P2RY14: variants seen among roughly 807,000 people sequenced by gnomAD.
The protein encoded by P2RY14 is purinergic receptor P2Y14, also known as P2Y purinoceptor 14.
In P2RY14, 2 loss-of-function variants were observed where a neutral mutation model predicts 0.9. The observed-to-expected ratio is 2.16, with a 90% CI of 0.88 to 6.79. The LOEUF is 6.79. Ranked by LOEUF, P2RY14 falls within the 30% of genes most tolerant of loss-of-function variation. P2RY14 has a pLI of 0.05. For missense variants in P2RY14, 378 were observed against 400.1 expected (o/e 0.94, Z 0.47); for synonymous variants, 158 against 147.2 (o/e 1.07, Z -0.53).
intron 1 of P2RY14, among the ~76,000 whole-genome samples, chr3:151,229,838 C>T (rs933513606): frequency 5.9e-5 from 9 of 152,168 alleles, no homozygotes; most frequent in Non-Finnish European, 1.0e-4. Flanking sequence ...GTATTAGTTG[C>T]AAACTTAGTA....
intron 1 of P2RY14, among the ~76,000 whole-genome samples, chr3:151,258,350 G>A (rs1251584188): frequency 6.6e-6 from 1 of 152,050 alleles, no homozygotes; most frequent in Admixed American, 6.6e-5. Context: ...ATAATTTTTA[G>A]TACTTTCTAA....
intron 1 of P2RY14, among the ~76,000 whole-genome samples, chr3:151,243,522 C>T (rs1352999328): frequency 6.6e-6 from 1 of 152,130 alleles, no homozygotes; most frequent in East Asian, 1.9e-4. Context: ...AACTAAGCTT[C>T]ATAAGCGAAG....
intron 1 of P2RY14, among the ~76,000 whole-genome samples, chr3:151,236,265 A>G (rs937471680): frequency 4.6e-5 from 7 of 152,228 alleles, no homozygotes; most frequent in African/African-American, 1.7e-4. Context: ...GAGTTTGTTC[A>G]GCACTTCTAG....
intron 2 of P2RY14, among the ~76,000 whole-genome samples, chr3:151,219,119 T>C (rs1474487464): frequency 1.3e-5 from 2 of 152,174 alleles, no homozygotes; most frequent in Admixed American, 1.3e-4. Flanking sequence ...GAGCATTGTG[T>C]AGAAAGAATG....
intron 1 of P2RY14, among the ~76,000 whole-genome samples, chr3:151,273,358 G>C (rs1189053383): frequency 6.7e-6 from 1 of 149,300 alleles, no homozygotes; most frequent in Non-Finnish European, 1.5e-5. Flanking sequence ...CTCCTGAGTA[G>C]CTGGGATTAC....
chr3:151,230,633 A>G (rs1731483077), intron 1 of P2RY14, among the ~76,000 whole-genome samples: 1 of 139,970 alleles, frequency 7.1e-6, no homozygotes, highest in South Asian at 2.2e-4. Context: ...TCTATGTGTT[A>G]TTGCTTTTCT....
chr3:151,224,359 A>G (rs1730050579), intron 1 of P2RY14, among the ~76,000 whole-genome samples: 1 of 152,090 alleles, frequency 6.6e-6, no homozygotes, highest in South Asian at 2.1e-4. Flanking sequence ...AGAAAATAGT[A>G]TAGATGTATG....
chr3:151,262,282 T>C (rs539685239), intron 1 of P2RY14, among the ~76,000 whole-genome samples: 4 of 152,336 alleles, frequency 2.6e-5, no homozygotes, highest in African/African-American at 9.6e-5. Context: ...ACACTAGTGA[T>C]AGTTTGGATT....
At chr3:151,246,214 C>T (rs1307539208) in intron 1 of P2RY14, among the ~76,000 whole-genome samples, 5 of 152,140 alleles carry the variant, frequency 3.3e-5, no homozygotes. Context: ...TTTATAGATT[C>T]AATGCCATCC....
At chr3:151,253,465 C>G (rs961990278) in intron 1 of P2RY14, among the ~76,000 whole-genome samples, 1 of 152,194 alleles carries the variant, frequency 6.6e-6, no homozygotes, top group African/African-American at 2.4e-5. Flanking sequence ...GGGCCGTTTC[C>G]TAAGCCTGGC....
At chr3:151,255,943 G>A (rs527676128) in intron 1 of P2RY14, among the ~76,000 whole-genome samples, 4 of 152,268 alleles carry the variant, frequency 2.6e-5, no homozygotes, top group South Asian at 2.1e-4. Flanking sequence ...TTTAAATCAC[G>A]TAAGGTGTAT....
At chr3:151,271,799 A>C (rs1740999819) in intron 1 of P2RY14, among the ~76,000 whole-genome samples, 1 of 152,326 alleles carries the variant, frequency 6.6e-6, no homozygotes, top group Middle Eastern at 3.4e-3. Flanking sequence ...ATTCCATTTC[A>C]GTGTAGTTCT....
At chr3:151,254,746 A>C (rs756814507) in intron 1 of P2RY14, among the ~76,000 whole-genome samples, 15 of 152,226 alleles carry the variant, frequency 9.9e-5, no homozygotes, top group Admixed American at 2.0e-4. Flanking sequence ...TCGTGTTGAC[A>C]AATGTGCTTG....
chr3:151,276,166 G>A lies in P2RY14; in HGVS notation c.-133+2121C>T, dbSNP rs908603444. Among the ~76,000 whole-genome samples the A allele has an allele frequency of 3.9e-5, 6 of 152,340 alleles. No individual in the cohort carries two copies. The South Asian group carries it at 1.2e-3, about 32-fold the overall frequency. On this transcript the variant is annotated intron_variant, in intron 1 of 2. Coordinates refer to ENST00000309170, the MANE Select transcript of P2RY14 (RefSeq NM_014879.4). ...GACATGGGGTCACCCAAAACTGAAT[G>A]TGCAACAGAATTACCTGGAGGGCTT...
chr3:151,268,556 A>T (rs904776111), intron 1 of P2RY14, among the ~76,000 whole-genome samples: 2 of 152,198 alleles, frequency 1.3e-5, no homozygotes, highest in Non-Finnish European at 2.9e-5. Context: ...TGTGAGTTAG[A>T]CATTTTGTCA....
intron 1 of P2RY14, among the ~76,000 whole-genome samples, chr3:151,227,390 C>A (rs1320233227): frequency 6.6e-6 from 1 of 152,114 alleles, no homozygotes; most frequent in Non-Finnish European, 1.5e-5. Flanking sequence ...CAAACAGATC[C>A]AACTCTTGAT....
At chr3:151,234,784 A>T (rs1056537308) in intron 1 of P2RY14, among the ~76,000 whole-genome samples, 2 of 152,170 alleles carry the variant, frequency 1.3e-5, no homozygotes, top group African/African-American at 4.8e-5. Context: ...GGCATAAGTG[A>T]TGCCCATATA....
intron 1 of P2RY14, among the ~76,000 whole-genome samples, chr3:151,227,461 A>G (rs75555890): frequency 0.026 from 3,922 of 152,310 alleles, 168 homozygotes; most frequent in African/African-American, 0.089. Flanking sequence ...ATAACGTCCA[A>G]ACATAGTCTT....
rs867900165 is a variant in P2RY14 at position 151,212,979 on chromosome 3, A to G, written c.*321T>C. On this transcript the variant is annotated 3_prime_UTR_variant, in exon 3 of 3. Coordinates refer to ENST00000309170, the MANE Select transcript of P2RY14 (RefSeq NM_014879.4). ...TTGATTATGTTGTGTTTTATTTACT[A>G]TTTAAATTTCTACATTAACTGACCA... The G allele has an allele frequency of 6.2e-6, 1 of 161,770 alleles. No individual in the cohort carries two copies. The highest frequency in any genetic ancestry group is 2.4e-5 in the African/African-American group (1 of 41,708). 10.0% of individuals were successfully genotyped at this position (161,770 alleles called of 1,614,324 possible).
Sources: gnomAD v4.1 joint callset for allele counts (sites outside exome capture counted in the v4.1 genomes callset) on GRCh38, gnomAD v4.1.1 for gene constraint, MANE v1.5 for transcripts, NCBI Gene and HGNC (gene_info 2026-07-23, HGNC 2026-07-21) for gene names.